The following TENM3 variants were observed in gnomAD, a reference collection of about 807,000 sequenced individuals.
The protein encoded by TENM3 is teneurin-3.
In TENM3, 63 loss-of-function variants were observed where a neutral mutation model predicts 255.1. The ratio of observed to expected loss-of-function variants is 0.25; its 90% CI spans 0.20 to 0.30. The LOEUF is 0.30. Among genes scored for constraint, TENM3 ranks in the 10% least tolerant of loss-of-function variants. The pLI, the probability that TENM3 is intolerant of heterozygous loss-of-function variation, is 1.00. For synonymous variants in TENM3, 1,306 were observed against 1,322.3 expected (o/e 0.99, Z 0.27); for missense variants, 2,929 against 3,461.1 (o/e 0.85, Z 3.86).
chr4:181,930,552 G>A, the TENM3 span, among the ~76,000 whole-genome samples: 9 of 152,222 alleles, frequency 5.9e-5, no homozygotes, highest in African/African-American at 2.2e-4. Flanking sequence ...AAAAGCCCAG[G>A]ACCAGATGGA....
the TENM3 span, among the ~76,000 whole-genome samples, chr4:181,851,104 T>C: frequency 6.6e-6 from 1 of 152,172 alleles, no homozygotes; most frequent in Non-Finnish European, 1.5e-5. Flanking sequence ...TAGAAAATAC[T>C]CAAGTGTCAG....
intron 12 of TENM3, among the ~76,000 whole-genome samples, chr4:182,709,351 G>C (rs536984309): frequency 6.6e-6 from 1 of 151,974 alleles, no homozygotes; most frequent in Non-Finnish European, 1.5e-5. Flanking sequence ...GAGTTTTATC[G>C]TATAAAACAA....
the TENM3 span, among the ~76,000 whole-genome samples, chr4:181,850,128 A>G: frequency 1.3e-5 from 2 of 148,518 alleles, no homozygotes; most frequent in African/African-American, 2.5e-5. Flanking sequence ...CAATTCATTC[A>G]CTCATTATTT....
chr4:182,511,643 T>C lies in TENM3; in HGVS notation c.512-89281T>C, dbSNP rs1055431489. ...CTCCTTTCATCAGTTGTGTTGCTTT[T>C]TTCCATTTTTAAATTTCATTCTCAC... On this transcript the variant is annotated intron_variant, in intron 3 of 27. Coordinates refer to ENST00000511685, the MANE Select transcript of TENM3 (RefSeq NM_001080477.4). 2.0e-5 allele frequency among the ~76,000 whole-genome samples: 3 copies of C among 152,346 alleles called. No homozygotes were observed. In the East Asian group the frequency reaches 5.8e-4, roughly 29 times the overall value.
chr4:182,643,210 A>G (rs537765659), intron 5 of TENM3, among the ~76,000 whole-genome samples: 1 of 152,358 alleles, frequency 6.6e-6, no homozygotes, highest in South Asian at 2.1e-4. Context: ...AAATCTGATT[A>G]TTAGCACATG....
intron 3 of TENM3, among the ~76,000 whole-genome samples, chr4:182,599,475 C>T (rs1226672380): frequency 6.6e-6 from 1 of 152,136 alleles, no homozygotes; most frequent in East Asian, 1.9e-4. Context: ...GGTATTATCT[C>T]TATCCCTCAT....
At chr4:181,826,847 C>G in the TENM3 span, among the ~76,000 whole-genome samples, 2 of 152,186 alleles carry the variant, frequency 1.3e-5, no homozygotes, top group Non-Finnish European at 2.9e-5. Context: ...TTAAGAGCCA[C>G]TGCTCTAAAG....
the TENM3 span, among the ~76,000 whole-genome samples, chr4:182,133,792 G>A: frequency 6.6e-6 from 1 of 152,142 alleles, no homozygotes; most frequent in Admixed American, 6.5e-5. Context: ...ATAATTCAAT[G>A]ACAGTTTTTT....
chr4:182,456,062 A>T (rs1011699087), intron 3 of TENM3, among the ~76,000 whole-genome samples: 1 of 152,214 alleles, frequency 6.6e-6, no homozygotes, highest in Non-Finnish European at 1.5e-5. Context: ...CTAAGAAAAT[A>T]GTTATTCCAT....
chr4:182,521,396 G>A (rs1439978615), intron 3 of TENM3, among the ~76,000 whole-genome samples: 1 of 152,114 alleles, frequency 6.6e-6, no homozygotes, highest in Non-Finnish European at 1.5e-5. Context: ...GAAAAGGATT[G>A]TACAGTTATA....
intron 1 of TENM3, among the ~76,000 whole-genome samples, chr4:182,186,333 TA>T (rs1038769510): frequency 7.9e-5 from 12 of 152,182 alleles, no homozygotes; most frequent in Non-Finnish European, 1.8e-4. Flanking sequence ...ATGAAACTGA[TA>T]TATGATCATG....
At chr4:181,705,041 C>A in the TENM3 span, among the ~76,000 whole-genome samples, 134,006 of 148,216 alleles carry the variant, frequency 0.9, 60,487 homozygotes, top group Admixed American at 0.94. Flanking sequence ...ATCTCAAAAA[C>A]AAAACAAAAC....
At chr4:181,650,350 C>T in the TENM3 span, among the ~76,000 whole-genome samples, 1 of 152,138 alleles carries the variant, frequency 6.6e-6, no homozygotes, top group Non-Finnish European at 1.5e-5. Flanking sequence ...TGTAGAAAGC[C>T]AGTATACAGA....
chr4:181,504,842 T>C, the TENM3 span, among the ~76,000 whole-genome samples: 2 of 152,204 alleles, frequency 1.3e-5, no homozygotes, highest in South Asian at 2.1e-4. Context: ...TATACTAAAG[T>C]ATCAAGCCAT....
At chr4:182,712,611 G>C (rs919161506) in intron 12 of TENM3, among the ~76,000 whole-genome samples, 5 of 152,136 alleles carry the variant, frequency 3.3e-5, no homozygotes, top group Non-Finnish European at 7.4e-5. Flanking sequence ...AGTCGAAATA[G>C]TCTTCTTTCT....
At chr4:182,496,343 A>G (rs1446083654) in intron 3 of TENM3, among the ~76,000 whole-genome samples, 3 of 152,146 alleles carry the variant, frequency 2.0e-5, no homozygotes, top group Admixed American at 6.5e-5. Context: ...CAGAAATGAT[A>G]TATCAGAATT....
the TENM3 span, chr4:181,522,776 A>C: frequency 2.5e-6 from 2 of 787,908 alleles, no homozygotes; most frequent in African/African-American, 1.7e-5. Flanking sequence ...ATGGAGAACA[A>C]CTGGATCTGG....
At chr4:181,543,803 GATTATA>G in the TENM3 span, among the ~76,000 whole-genome samples, 1 of 152,140 alleles carries the variant, frequency 6.6e-6, no homozygotes, top group African/African-American at 2.4e-5. Flanking sequence ...ACATTTTGTT[GATTATA>G]ACTACATACG....
the TENM3 span, among the ~76,000 whole-genome samples, chr4:181,556,957 T>C: frequency 6.6e-6 from 1 of 152,152 alleles, no homozygotes; most frequent in Non-Finnish European, 1.5e-5. Flanking sequence ...ATTATCTCTT[T>C]CCCCTACAGC....
Sources: gnomAD v4.1 joint callset for allele counts (sites outside exome capture counted in the v4.1 genomes callset) on GRCh38, gnomAD v4.1.1 for gene constraint, MANE v1.5 for transcripts, NCBI Gene and HGNC (gene_info 2026-07-23, HGNC 2026-07-21) for gene names.